Variants in NOL4 observed in about 807,000 individuals in gnomAD.
NOL4 encodes the protein nucleolar protein 4, also known as cancer/testis antigen 125.
NOL4 carries 17 observed loss-of-function variants against 75.9 expected under a neutral mutation model. The ratio of observed to expected loss-of-function variants is 0.22; its 90% confidence interval spans 0.15 to 0.34. The LOEUF (loss-of-function observed/expected upper bound fraction) is 0.34. Among genes scored for constraint, NOL4 ranks in the 10% least tolerant of loss-of-function variants. The pLI is 1.00. For missense variants in NOL4, 614 were observed against 793.5 expected (o/e 0.77, Z 2.72); for synonymous variants, 292 against 289.9 (o/e 1.01, Z -0.07).
intron 6 of NOL4, among the ~76,000 whole-genome samples, chr18:33,971,483 T>C (rs2071056508): frequency 6.6e-6 from 1 of 152,192 alleles, no homozygotes; most frequent in African/African-American, 2.4e-5. Context: ...CTTGAAACTG[T>C]TTACAATAAC....
intron 5 of NOL4, among the ~76,000 whole-genome samples, chr18:34,057,293 C>T (rs2076870934): frequency 6.6e-6 from 1 of 152,140 alleles, no homozygotes; most frequent in Non-Finnish European, 1.5e-5. Flanking sequence ...TGCATATGTA[C>T]ACTCACGAGC....
chr18:33,899,154 T>C (rs1376088829), intron 9 of NOL4, among the ~76,000 whole-genome samples: 1 of 152,140 alleles, frequency 6.6e-6, no homozygotes, highest in East Asian at 1.9e-4. Context: ...AACAATGTTG[T>C]GTTGAGAATT....
rs535266576 is a variant in NOL4, at chr18:33,911,644, C to T, written c.1543-28220G>A. ...TTCTGAGGATATAAATTATATTTTG[C>T]TTTAAAATTTCCTTCTATACTATGT... On this transcript the variant is annotated intron_variant, in intron 9 of 10. Transcript: ENST00000261592. 2.0e-5 allele frequency among the ~76,000 whole-genome samples: 3 copies of T among 152,056 alleles called. No individual in the cohort carries two copies. The East Asian group carries it at 5.8e-4, about 29-fold the overall frequency.
chr18:33,852,970 A>C lies in NOL4; in HGVS notation c.1789T>G (p.Ser597Ala), dbSNP rs1314153628. ...TCAGTTGGACTCAGCTGGGGTCTGG[A>C]GTTTGAGCTGCTGGAGGATCCTGAG... The part of the protein sequence containing the change: ...TSSGSSSSSN[S>A]RPQLSPTEIN... The change falls in exon 11 of 11, where the codon TCC becomes GCC. Residue 597 changes from serine to alanine, a missense_variant. Physicochemically the swap from Ser to Ala is moderately conservative, Grantham distance 99. Coordinates refer to ENST00000261592, the MANE Select transcript of NOL4 (RefSeq NM_003787.5). 6.2e-7 allele frequency: 1 copy of C among 1,613,132 alleles called. No homozygotes were observed. The highest frequency in any genetic ancestry group is 8.5e-7 in the Non-Finnish European group (1 of 1,179,454).
chr18:34,141,363 C>G lies in NOL4; in HGVS notation c.265-11343G>C, dbSNP rs1395274187. Reference sequence around the variant, plus strand: ...AAGTTCATATGGAACCAAAAAAGAGCCCGCATCACCAAGTCAATCCTAAGC... The same window carrying G: ...AAGTTCATATGGAACCAAAAAAGAGGCCGCATCACCAAGTCAATCCTAAGC... On this transcript the variant is annotated intron_variant, in intron 1 of 10. Coordinates refer to ENST00000261592, the MANE Select transcript of NOL4 (RefSeq NM_003787.5). Among the ~76,000 whole-genome samples the G allele has an allele frequency of 4.6e-5, 7 of 152,078 alleles. No homozygotes were observed. In the East Asian group the frequency reaches 1.2e-3, roughly 25 times the overall value.
intron 6 of NOL4, among the ~76,000 whole-genome samples, chr18:33,962,335 T>A (rs1027584812): frequency 1.3e-5 from 2 of 152,196 alleles, no homozygotes; most frequent in African/African-American, 4.8e-5. Context: ...ACAATATAGA[T>A]TTCACACATG....
At chr18:33,947,448 G>A (rs764062638) in intron 8 of NOL4, among the ~76,000 whole-genome samples, 23 of 151,600 alleles carry the variant, frequency 1.5e-4, no homozygotes, top group Non-Finnish European at 2.8e-4. Context: ...GTAATAATTG[G>A]AGATAGGAAT....
At chr18:33,944,566 T>C (rs2068715010) in intron 8 of NOL4, among the ~76,000 whole-genome samples, 1 of 151,844 alleles carries the variant, frequency 6.6e-6, no homozygotes, top group Non-Finnish European at 1.5e-5. Context: ...ACTCTTCTGC[T>C]AACCCCATGG....
At chr18:34,046,136 T>C (rs989148412) in intron 5 of NOL4, among the ~76,000 whole-genome samples, 15 of 152,128 alleles carry the variant, frequency 9.9e-5, no homozygotes, top group Admixed American at 7.2e-4. Flanking sequence ...ACCATTTCCA[T>C]ATCACCTAAT....
At chr18:34,153,620 T>C (rs1457949016) in intron 1 of NOL4, among the ~76,000 whole-genome samples, 1 of 151,998 alleles carries the variant, frequency 6.6e-6, no homozygotes. Context: ...TTGGAGATCA[T>C]TTCAGTAGGT....
At chr18:34,114,374 A>T (rs1341903011) in intron 2 of NOL4, among the ~76,000 whole-genome samples, 8 of 152,188 alleles carry the variant, frequency 5.3e-5, no homozygotes, top group African/African-American at 1.9e-4. Flanking sequence ...AATGGATGTT[A>T]GTCTTGATCT....
At chr18:33,903,736 A>G (rs78204541) in intron 9 of NOL4, among the ~76,000 whole-genome samples, 176 of 152,306 alleles carry the variant, frequency 1.2e-3, no homozygotes, top group African/African-American at 4.0e-3. Flanking sequence ...AGTCATTCCC[A>G]TAACTAGACA....
chr18:34,187,086 T>A (rs185614638), intron 1 of NOL4, among the ~76,000 whole-genome samples: 2 of 152,290 alleles, frequency 1.3e-5, no homozygotes, highest in East Asian at 3.9e-4. Flanking sequence ...CTCTTGGTGT[T>A]CTCAATTTTA....
intron 1 of NOL4, among the ~76,000 whole-genome samples, chr18:34,202,319 C>T (rs1294038081): frequency 6.6e-6 from 1 of 151,912 alleles, no homozygotes; most frequent in Non-Finnish European, 1.5e-5. Context: ...GTCCATTAGA[C>T]TGAAATTGTT....
chr18:34,095,710 T>C (rs2078747914), intron 4 of NOL4, among the ~76,000 whole-genome samples: 1 of 152,084 alleles, frequency 6.6e-6, no homozygotes, highest in South Asian at 2.1e-4. Flanking sequence ...ATATGGAATA[T>C]ACAATACATT....
chr18:33,928,073 A>C lies in NOL4; in HGVS notation c.1542+14992T>G, dbSNP rs1338212007. Reference sequence around the variant, plus strand: ...CAGGGCAAGGAATGAACAAATTATGAGAAATAAATTATAAAAATGAATCCA... The same window carrying C: ...CAGGGCAAGGAATGAACAAATTATGCGAAATAAATTATAAAAATGAATCCA... On this transcript the variant is annotated intron_variant, in intron 9 of 10. Coordinates refer to ENST00000261592, the MANE Select transcript of NOL4 (RefSeq NM_003787.5). 4.6e-5 allele frequency among the ~76,000 whole-genome samples: 7 copies of C among 152,202 alleles called. No individual in the cohort carries two copies. In the East Asian group the frequency reaches 1.3e-3, roughly 29 times the overall value.
intron 5 of NOL4, among the ~76,000 whole-genome samples, chr18:34,038,229 A>AG (rs2075996573): frequency 6.6e-6 from 1 of 152,124 alleles, no homozygotes; most frequent in East Asian, 1.9e-4. Flanking sequence ...ATTATAAAAA[A>AG]TAAAATGTAA....
chr18:33,879,044 T>C (rs1409242817), intron 10 of NOL4, among the ~76,000 whole-genome samples: 1 of 152,162 alleles, frequency 6.6e-6, no homozygotes, highest in Non-Finnish European at 1.5e-5. Context: ...TTCCTCTCTA[T>C]GTGAGGCTAT....
intron 1 of NOL4, among the ~76,000 whole-genome samples, chr18:34,185,653 T>C (rs1296040089): frequency 6.6e-6 from 1 of 152,176 alleles, no homozygotes. Context: ...GAGAATCTCT[T>C]GTTTCTCATT....
Sources: allele counts gnomAD v4.1 joint callset (sites outside exome capture counted in the v4.1 genomes callset), GRCh38; gene constraint gnomAD v4.1.1; transcripts MANE v1.5; gene names NCBI Gene and HGNC (gene_info 2026-07-23, HGNC 2026-07-21).